The following CHSY3 variants were observed in gnomAD, a reference collection of about 807,000 sequenced individuals.
CHSY3 encodes the protein chondroitin sulfate synthase 3.
A neutral mutation model predicts 67.2 loss-of-function variants in CHSY3; 35 were observed. That is an observed-to-expected ratio of 0.52 (90% CI 0.40 to 0.69). CHSY3 has a LOEUF of 0.69. Ranked by LOEUF, CHSY3 falls within the 30% of genes least tolerant of loss-of-function variation. The probability of loss-of-function intolerance (pLI) is 0.00; values close to 1 mark genes in which losing one functional copy is unlikely to be tolerated. For missense variants in CHSY3, 1,069 were observed against 1,138.5 expected (o/e 0.94, Z 0.88); for synonymous variants, 474 against 434.7 (o/e 1.09, Z -1.12).
intron 2 of CHSY3, among the ~76,000 whole-genome samples, chr5:130,170,972 T>C (rs1371824849): frequency 6.6e-6 from 1 of 152,116 alleles, no homozygotes; most frequent in East Asian, 1.9e-4. Flanking sequence ...TACAAGGAAA[T>C]GCAATCACTA....
intron 2 of CHSY3, among the ~76,000 whole-genome samples, chr5:129,930,035 AT>A (rs1761246650): frequency 1.3e-5 from 2 of 152,190 alleles, no homozygotes; most frequent in South Asian, 4.1e-4. Context: ...CAGGTATAAA[AT>A]TCTATGCCTT....
At chr5:129,906,389 T>A (rs754887912) in intron 1 of CHSY3, among the ~76,000 whole-genome samples, 5 of 152,186 alleles carry the variant, frequency 3.3e-5, no homozygotes, top group Non-Finnish European at 7.3e-5. Context: ...CACCCGCTAA[T>A]AAGCCAGACC....
At chr5:129,953,088 G>A (rs1762069632) in intron 2 of CHSY3, among the ~76,000 whole-genome samples, 4 of 151,906 alleles carry the variant, frequency 2.6e-5, no homozygotes, top group African/African-American at 7.3e-5. Context: ...CCATCAACCC[G>A]TCATCTACAG....
At chr5:130,161,142 G>A (rs1234578110) in intron 2 of CHSY3, among the ~76,000 whole-genome samples, 1 of 152,006 alleles carries the variant, frequency 6.6e-6, no homozygotes, top group Admixed American at 6.6e-5. Flanking sequence ...CTGACCTCAT[G>A]ATCCACCCGC....
chr5:130,110,652 T>A (rs1229604937), intron 2 of CHSY3, among the ~76,000 whole-genome samples: 1 of 151,910 alleles, frequency 6.6e-6, no homozygotes, highest in African/African-American at 2.4e-5. Flanking sequence ...CTAACTTAGA[T>A]GAAAACTACT....
At chr5:129,923,290 A>G (rs996052346) in intron 2 of CHSY3, among the ~76,000 whole-genome samples, 1 of 152,194 alleles carries the variant, frequency 6.6e-6, no homozygotes, top group Non-Finnish European at 1.5e-5. Flanking sequence ...GAAAAAGAAA[A>G]AAAATAATAT....
Position 129,957,177 on chromosome 5 carries a change from TCAC to T in CHSY3, c.1086+48819_1086+48821del, listed in dbSNP as rs368011655. ...TTGCAACTCTCATTGTAGTTACCTT[TCAC>T]CTCCGTCGTTATCTATGTTTCTATG... On this transcript the variant is annotated intron_variant, in intron 2 of 2. Coordinates refer to ENST00000305031, the MANE Select transcript of CHSY3 (RefSeq NM_175856.5). 2.4e-4 allele frequency among the ~76,000 whole-genome samples: 36 copies of T among 152,300 alleles called. No homozygotes were observed. In the East Asian group the frequency reaches 6.0e-3, roughly 25 times the overall value.
chr5:129,969,315 G>T (rs1372223141), intron 2 of CHSY3, among the ~76,000 whole-genome samples: 1 of 151,794 alleles, frequency 6.6e-6, no homozygotes, highest in Non-Finnish European at 1.5e-5. Flanking sequence ...TATGTTTAAA[G>T]TAGTTGATAC....
Position 129,904,910 on chromosome 5 carries a change from C to A in CHSY3, c.81C>A (p.Ile27=). The change falls in exon 1 of 3, where the codon ATC becomes ATA. Residue 27 remains isoleucine (I), a synonymous_variant. Transcript: ENST00000305031. ...VLGFTAASWL[I]APRVAELSER... ...GCTTCACCGCCGCGTCCTGGCTCAT[C>A]GCCCCCAGGGTGGCGGAGCTGAGCG... 1.3e-6 allele frequency: 2 copies of A among 1,532,086 alleles called. No homozygotes were observed. Among genetic ancestry groups the A allele is most frequent in the Non-Finnish European group, 1.8e-6 (2 of 1,141,052 alleles). 94.9% of individuals were successfully genotyped at this position (1,532,086 alleles called of 1,614,324 possible).
intron 2 of CHSY3, among the ~76,000 whole-genome samples, chr5:130,120,679 G>A (rs1767985676): frequency 1.3e-5 from 2 of 152,010 alleles, no homozygotes; most frequent in South Asian, 2.1e-4. Flanking sequence ...TGAAAAGTGT[G>A]TAATAATAAT....
intron 2 of CHSY3, among the ~76,000 whole-genome samples, chr5:130,183,416 T>C (rs1001897666): frequency 1.3e-5 from 2 of 152,108 alleles, no homozygotes; most frequent in Admixed American, 1.3e-4. Flanking sequence ...ACTTACTCGG[T>C]AAAAATAGTA....
chr5:130,123,127 C>T (rs946986053), intron 2 of CHSY3, among the ~76,000 whole-genome samples: 2 of 151,096 alleles, frequency 1.3e-5, no homozygotes, highest in African/African-American at 2.4e-5. Flanking sequence ...ACATTTCCAT[C>T]GGATATTTAT....
intron 2 of CHSY3, among the ~76,000 whole-genome samples, chr5:130,133,819 A>T (rs1204437665): frequency 6.7e-6 from 1 of 148,400 alleles, no homozygotes; most frequent in South Asian, 2.2e-4. Context: ...AAGGCTGTCA[A>T]CCTAAGAGAG....
intron 2 of CHSY3, among the ~76,000 whole-genome samples, chr5:129,980,237 C>G (rs1762943741): frequency 6.6e-6 from 1 of 152,176 alleles, no homozygotes. Context: ...TTCTGTCGCA[C>G]CACATCCTTG....
chr5:130,178,066 T>C (rs1770108491), intron 2 of CHSY3, among the ~76,000 whole-genome samples: 2 of 150,524 alleles, frequency 1.3e-5, no homozygotes, highest in South Asian at 4.2e-4. Flanking sequence ...TTTTTCTACA[T>C]ATGTACTTGA....
chr5:130,074,297 C>G (rs1368119955), intron 2 of CHSY3, among the ~76,000 whole-genome samples: 2 of 151,964 alleles, frequency 1.3e-5, no homozygotes, highest in African/African-American at 4.8e-5. Context: ...TCTCAATCTC[C>G]CAGCCTCAAG....
intron 2 of CHSY3, among the ~76,000 whole-genome samples, chr5:130,038,679 G>T (rs146491778): frequency 3.3e-5 from 5 of 152,106 alleles, no homozygotes; most frequent in African/African-American, 9.6e-5. Context: ...TTATTACTTT[G>T]CCAAATAATT....
intron 2 of CHSY3, among the ~76,000 whole-genome samples, chr5:130,170,408 C>T (rs1010485842): frequency 2.0e-5 from 3 of 152,068 alleles, no homozygotes; most frequent in African/African-American, 4.8e-5. Context: ...TAGGTTGATT[C>T]CATGACTTTG....
intron 2 of CHSY3, among the ~76,000 whole-genome samples, chr5:129,915,226 A>G (rs1229253658): frequency 6.6e-6 from 1 of 152,182 alleles, no homozygotes; most frequent in Non-Finnish European, 1.5e-5. Context: ...AAACAAAATC[A>G]GCTGAGTTAC....
Sources: allele counts gnomAD v4.1 joint callset (sites outside exome capture counted in the v4.1 genomes callset), GRCh38; gene constraint gnomAD v4.1.1; transcripts MANE v1.5; gene names NCBI Gene and HGNC (gene_info 2026-07-23, HGNC 2026-07-21).